Variants in CFAP210 observed in about 807,000 individuals in gnomAD.
The protein encoded by CFAP210 is cilia and flagella associated protein 210, also known as cilia- and flagella- associated protein 210.
At chr2:169,681,258 T>C in the CFAP210 span, 2 of 1,515,934 alleles carry the variant, frequency 1.3e-6, no homozygotes, top group Non-Finnish European at 1.8e-6. Flanking sequence ...AAAATGATTA[T>C]TAAAGACTTA....
the CFAP210 span, among the ~76,000 whole-genome samples, chr2:169,689,694 G>T: frequency 6.6e-6 from 1 of 152,064 alleles, no homozygotes; most frequent in South Asian, 2.1e-4. Context: ...TCCTGATCAG[G>T]GTTTCAGTCT....
the CFAP210 span, chr2:169,681,105 T>C: frequency 6.2e-7 from 1 of 1,613,940 alleles, no homozygotes; most frequent in East Asian, 2.2e-5. Flanking sequence ...GCTTCTCTTG[T>C]CAACCTGTCA....
At chr2:169,665,476 AT>A in the CFAP210 span, among the ~76,000 whole-genome samples, 57,413 of 148,654 alleles carry the variant, frequency 0.39, 11,148 homozygotes, top group African/African-American at 0.43. Context: ...AATTCCAGCT[AT>A]TTTTTTTTTT....
chr2:169,648,162 C>CAAAAAAAA, the CFAP210 span: 1 of 100,954 alleles, frequency 9.9e-6, no homozygotes, highest in African/African-American at 4.6e-5. Context: ...AACTCTGTCT[C>CAAAAAAAA]AAAAAAAAAA....
the CFAP210 span, among the ~76,000 whole-genome samples, chr2:169,668,498 T>A: frequency 6.6e-6 from 1 of 152,256 alleles, no homozygotes; most frequent in Non-Finnish European, 1.5e-5. Flanking sequence ...GCTTTCAGCC[T>A]ATTTTGGCTT....
chr2:169,675,872 C>G, the CFAP210 span, among the ~76,000 whole-genome samples: 1 of 152,172 alleles, frequency 6.6e-6, no homozygotes. Context: ...TTCTATAACT[C>G]TGAGGCCTTC....
the CFAP210 span, chr2:169,694,199 T>C: frequency 5.2e-6 from 8 of 1,536,990 alleles, no homozygotes; most frequent in African/African-American, 1.1e-4. Context: ...CATCCTCGCC[T>C]CTCACTCCAT....
chr2:169,690,710 T>A, the CFAP210 span, among the ~76,000 whole-genome samples: 1 of 152,090 alleles, frequency 6.6e-6, no homozygotes, highest in Non-Finnish European at 1.5e-5. Flanking sequence ...TTTCAGTAAT[T>A]TGAATATATT....
the CFAP210 span, chr2:169,649,410 G>A: frequency 1.4e-6 from 2 of 1,441,342 alleles, no homozygotes; most frequent in South Asian, 1.3e-5. Flanking sequence ...TGTCTGAAAA[G>A]GCACAGAGTC....
the CFAP210 span, among the ~76,000 whole-genome samples, chr2:169,647,330 G>C: frequency 1.3e-5 from 2 of 152,114 alleles, no homozygotes; most frequent in Non-Finnish European, 2.9e-5. Context: ...GCACAGAAAG[G>C]AAGTGACAAT....
At chr2:169,652,539 C>G in the CFAP210 span, among the ~76,000 whole-genome samples, 1 of 152,050 alleles carries the variant, frequency 6.6e-6, no homozygotes, top group Non-Finnish European at 1.5e-5. Flanking sequence ...GAGGTTGAGG[C>G]TACAGGGCAC....
At chr2:169,688,442 G>C in the CFAP210 span, among the ~76,000 whole-genome samples, 1 of 151,824 alleles carries the variant, frequency 6.6e-6, no homozygotes, top group South Asian at 2.1e-4. Context: ...GCCAGATCAG[G>C]CTACAAATTT....
At chr2:169,675,923 C>T in the CFAP210 span, among the ~76,000 whole-genome samples, 202 of 152,288 alleles carry the variant, frequency 1.3e-3, 4 homozygotes, top group South Asian at 0.041. Flanking sequence ...CCTTATTGGT[C>T]CTATTTCCTA....
chr2:169,675,106 AATAAT>A, the CFAP210 span: 1 of 1,074,564 alleles, frequency 9.3e-7, no homozygotes, highest in African/African-American at 1.7e-5. Flanking sequence ...AGTTTAACAT[AATAAT>A]ATGATAATTT....
At chr2:169,685,569 G>C in the CFAP210 span, among the ~76,000 whole-genome samples, 370 of 152,098 alleles carry the variant, frequency 2.4e-3, no homozygotes, top group African/African-American at 8.5e-3. Flanking sequence ...TGCACTTTTT[G>C]ATAGTGTTCT....
chr2:169,687,413 C>T, the CFAP210 span, among the ~76,000 whole-genome samples: 1 of 152,146 alleles, frequency 6.6e-6, no homozygotes, highest in Non-Finnish European at 1.5e-5. Flanking sequence ...TTCCTAGATA[C>T]GATAGGGGTA....
At chr2:169,662,836 T>C in the CFAP210 span, among the ~76,000 whole-genome samples, 3 of 152,228 alleles carry the variant, frequency 2.0e-5, no homozygotes, top group African/African-American at 7.2e-5. Context: ...TGCAGTTTGA[T>C]GGAATGAAAG....
the CFAP210 span, among the ~76,000 whole-genome samples, chr2:169,653,298 G>A: frequency 6.6e-6 from 1 of 151,592 alleles, no homozygotes; most frequent in Non-Finnish European, 1.5e-5. Context: ...GCAGAGGCCA[G>A]TCCAGTGCAG....
the CFAP210 span, among the ~76,000 whole-genome samples, chr2:169,693,602 C>T: frequency 6.6e-6 from 1 of 152,316 alleles, no homozygotes; most frequent in Non-Finnish European, 1.5e-5. Flanking sequence ...AATTTACAGA[C>T]GTAAGAAACT....
Sources: allele counts gnomAD v4.1 joint callset (sites outside exome capture counted in the v4.1 genomes callset), GRCh38; gene constraint gnomAD v4.1.1; transcripts MANE v1.5; gene names NCBI Gene and HGNC (gene_info 2026-07-23, HGNC 2026-07-21).